Variants in EP300 observed in about 807,000 individuals in gnomAD.
EP300 encodes the protein EP300 lysine acetyltransferase.
In EP300, 31 loss-of-function variants were observed where a neutral mutation model predicts 264.0. The observed-to-expected ratio is 0.12, with a 90% CI of 0.09 to 0.16. The LOEUF is 0.16. Ranked by LOEUF, EP300 falls within the 10% of genes least tolerant of loss-of-function variation. The pLI is 1.00. For missense variants in EP300, 2,766 were observed against 3,052.9 expected (o/e 0.91, Z 2.21); for synonymous variants, 1,340 against 1,045.4 (o/e 1.28, Z -5.44).
intron 10 of EP300, among the ~76,000 whole-genome samples, chr22:41,142,559 A>G (rs1333996648): frequency 1.3e-5 from 2 of 152,148 alleles, no homozygotes; most frequent in Non-Finnish European, 2.9e-5. Context: ...GCTTCAGTAC[A>G]TGATTTGGAC....
At chr22:41,125,483 G>T (rs1272966779) in intron 2 of EP300, among the ~76,000 whole-genome samples, 1 of 151,444 alleles carries the variant, frequency 6.6e-6, no homozygotes, top group African/African-American at 2.4e-5. Flanking sequence ...CCAGGCTGTT[G>T]TCAAACTCCT....
Position 41,173,569 on chromosome 22 carries a change from C to T in EP300, c.4618-54C>T, listed in dbSNP as rs535198149. On this transcript the variant is annotated intron_variant, in intron 28 of 30. Transcript: ENST00000263253. ...AGAAGGGAGATATTCTGTGCTATTCCCAAATTACTTAACAAAAACCTTATT... is the reference window on the plus strand; with the variant it reads ...AGAAGGGAGATATTCTGTGCTATTCTCAAATTACTTAACAAAAACCTTATT... 5.0e-6 allele frequency: 8 copies of T among 1,592,654 alleles called. No individual in the cohort carries two copies. In the African/African-American group the frequency reaches 5.4e-5, roughly 11 times the overall value.
chr22:41,172,739 A>G (rs1292497700), intron 28 of EP300, 76 bp downstream of exon 28: 24 of 1,495,598 alleles, frequency 1.6e-5, no homozygotes, highest in Non-Finnish European at 1.6e-5. Flanking sequence ...TAAACTTTCA[A>G]TTGGGTTTTA....
intron 1 of EP300, among the ~76,000 whole-genome samples, chr22:41,116,800 C>T (rs749852075): frequency 1.3e-5 from 2 of 152,148 alleles, no homozygotes; most frequent in African/African-American, 2.4e-5. Flanking sequence ...GTGGCTCACA[C>T]CTGTAATCCC....
At chr22:41,107,574 A>G (rs113938482) in intron 1 of EP300, among the ~76,000 whole-genome samples, 3 of 152,170 alleles carry the variant, frequency 2.0e-5, no homozygotes, top group Non-Finnish European at 4.4e-5. Flanking sequence ...GTTTGGGATT[A>G]TATTTTTAAT....
rs886057562 is a variant in EP300 at position 41,176,375 on chromosome 22, C to T, written c.4908C>T (p.Asp1636=). 1 of 1,614,226 alleles carries T rather than the reference C, an allele frequency of 6.2e-7. No homozygotes were observed. The highest frequency in any genetic ancestry group is 8.5e-7 in the Non-Finnish European group (1 of 1,180,036). The part of the protein sequence containing the change: ...GRDAFLTLAR[D]KHLEFSSLRR... ...ATGCGTTTCTCACGCTGGCAAGGGACAAGCACCTGGAGTTCTCTTCACTCC... is the reference window on the plus strand; with the variant it reads ...ATGCGTTTCTCACGCTGGCAAGGGATAAGCACCTGGAGTTCTCTTCACTCC... The change falls in exon 30 of 31, where the codon GAC becomes GAT. Residue 1636 remains aspartate (D), a synonymous_variant. Coordinates refer to ENST00000263253, the MANE Select transcript of EP300 (RefSeq NM_001429.4).
At chr22:41,130,937 T>C (rs2058915511) in intron 5 of EP300, among the ~76,000 whole-genome samples, 1 of 152,054 alleles carries the variant, frequency 6.6e-6, no homozygotes, top group Non-Finnish European at 1.5e-5. Flanking sequence ...CATTTGAAAA[T>C]GGAATTAAAT....
intron 3 of EP300, 37 bp from the exon 4 acceptor site, chr22:41,127,450 T>C (rs752818935): frequency 6.2e-7 from 1 of 1,612,530 alleles, no homozygotes; most frequent in Non-Finnish European, 8.5e-7. Flanking sequence ...TAGCACATTA[T>C]GACTCCTACC....
chr22:41,151,184 A>G (rs2059042378), intron 14 of EP300, among the ~76,000 whole-genome samples: 1 of 152,144 alleles, frequency 6.6e-6, no homozygotes, highest in Non-Finnish European at 1.5e-5. Context: ...CGTTTTATAA[A>G]GTACTGTACT....
chr22:41,109,396 G>T (rs1333252061), intron 1 of EP300, among the ~76,000 whole-genome samples: 1 of 152,104 alleles, frequency 6.6e-6, no homozygotes. Flanking sequence ...ACTGCTTGAT[G>T]AACTCTGTAC....
rs2145764970 is a variant in EP300 at position 41,169,512 on chromosome 22, C to T, written c.4182C>T (p.Tyr1394=). ...DCPPPNQRRV[Y]ISYLDSVHFF... ...TCTTCATTTTGTATAGGAGAGTATA[C>T]ATATCTTACCTCGATAGTGTTCATT... The change falls in exon 26 of 31, where the codon TAC becomes TAT. Residue 1394 remains tyrosine, a synonymous_variant. Coordinates refer to ENST00000263253, the MANE Select transcript of EP300 (RefSeq NM_001429.4). 2 of 1,601,024 alleles carry T rather than the reference C, an allele frequency of 1.2e-6. No individual in the cohort carries two copies. Among genetic ancestry groups the T allele is most frequent in the Non-Finnish European group, 1.7e-6 (2 of 1,170,632 alleles).
chr22:41,143,424 C>T (rs959400132), intron 10 of EP300, among the ~76,000 whole-genome samples: 16 of 152,056 alleles, frequency 1.1e-4, no homozygotes, highest in Admixed American at 6.6e-4. Context: ...TGCACTTAAG[C>T]CTGGACAACA....
At chr22:41,170,675 T>G in intron 27 of EP300, 104 bp downstream of exon 27, 1 of 1,278,926 alleles carries the variant, frequency 7.8e-7, no homozygotes. Flanking sequence ...TTTTTTTTTT[T>G]TTTTGAGACG....
At chr22:41,164,231 AC>A in intron 22 of EP300, 101 bp downstream of exon 22, 1 of 1,121,004 alleles carries the variant, frequency 8.9e-7, no homozygotes, top group South Asian at 1.3e-5. Flanking sequence ...CTTCAAAGTT[AC>A]TATCTTTAAA....
intron 1 of EP300, among the ~76,000 whole-genome samples, chr22:41,097,698 C>T (rs1184349725): frequency 6.6e-6 from 1 of 152,114 alleles, no homozygotes; most frequent in Non-Finnish European, 1.5e-5. Context: ...GGGTTTCCTT[C>T]TTTGAAGATT....
rs777213339 is a variant in EP300 at position 41,155,119 on chromosome 22, T to TA, written c.3261+7dup. On this transcript the variant is annotated splice_region_variant and intron_variant, in intron 17 of 30. Transcript: ENST00000263253. The stretch of plus-strand genomic sequence containing the variant: ...CTCAGCTTTTAGGAATCCCTGTAAG[T>TA]ATTTGGTGGTACTTTTGATTTTATT... 6.4e-7 allele frequency: 1 copy of TA among 1,562,588 alleles called. No individual in the cohort carries two copies. Among genetic ancestry groups the TA allele is most frequent in the African/African-American group, 1.4e-5 (1 of 73,922 alleles).
At chr22:41,120,677 A>G (rs749157111) in intron 2 of EP300, among the ~76,000 whole-genome samples, 23 of 152,106 alleles carry the variant, frequency 1.5e-4, no homozygotes, top group African/African-American at 2.7e-4. Flanking sequence ...TTTTACCCCA[A>G]TCTTTAGATT....
At chr22:41,132,578 C>T (rs937836547) in intron 6 of EP300, among the ~76,000 whole-genome samples, 5 of 152,144 alleles carry the variant, frequency 3.3e-5, no homozygotes, top group African/African-American at 9.7e-5. Context: ...TGAGCTACTG[C>T]ACCCGGCCCA....
chr22:41,110,225 T>C (rs1357594431), intron 1 of EP300, among the ~76,000 whole-genome samples: 2 of 134,766 alleles, frequency 1.5e-5, no homozygotes, highest in Non-Finnish European at 3.1e-5. Flanking sequence ...CCTCCTGGGC[T>C]CAAGCAGGCC....
Sources: allele counts gnomAD v4.1 joint callset (sites outside exome capture counted in the v4.1 genomes callset), GRCh38; gene constraint gnomAD v4.1.1; transcripts MANE v1.5; gene names NCBI Gene and HGNC (gene_info 2026-07-23, HGNC 2026-07-21).